SCN3A: variants seen among roughly 807,000 people sequenced by gnomAD.
SCN3A encodes sodium voltage-gated channel alpha subunit 3, also known as sodium channel protein type 3 subunit alpha.
SCN3A carries 60 observed loss-of-function variants against 187.6 expected under a neutral mutation model. The observed-to-expected ratio is 0.32, with a 90% CI of 0.26 to 0.40. The LOEUF (loss-of-function observed/expected upper bound fraction) is 0.40, where lower values mean the gene tolerates loss of function less well. SCN3A is among the 10% of genes least tolerant of loss of function. SCN3A has a pLI of 1.00. For missense variants in SCN3A, 1,601 were observed against 2,428.2 expected, an observed-to-expected ratio of 0.66 and a Z score of 7.16; for synonymous variants, 788 against 829.2, an observed-to-expected ratio of 0.95 and a Z score of 0.85.
chr2:165,181,060 AAC>A (rs1182113876), intron 2 of SCN3A, among the ~76,000 whole-genome samples: 1 of 152,150 alleles, frequency 6.6e-6, no homozygotes, highest in Admixed American at 6.5e-5. Flanking sequence ...TATTATTCAA[AAC>A]AGAAAAAAAT....
At chr2:165,131,707 C>T (rs1002401999) in intron 15 of SCN3A, among the ~76,000 whole-genome samples, 1 of 149,918 alleles carries the variant, frequency 6.7e-6, no homozygotes, top group African/African-American at 2.5e-5. Flanking sequence ...CCCATTAACT[C>T]GTCATTTAGC....
chr2:165,154,703 T>C, intron 10 of SCN3A, 45 bp from the exon 11 acceptor site: 1 of 1,526,766 alleles, frequency 6.5e-7, no homozygotes, highest in South Asian at 1.1e-5. Flanking sequence ...TAGTATAATG[T>C]CCCCAAATAA....
rs1041497863 is a variant in SCN3A, at chr2:165,184,495, A to G, written c.-51+2056T>C. Reference sequence around the variant, plus strand: ...CCTGTCTAGTTCAGAAAAAAAAAAAAAAAAGAAAAAAAAAAAAAAGCCTAG... The same window carrying G: ...CCTGTCTAGTTCAGAAAAAAAAAAAGAAAAGAAAAAAAAAAAAAAGCCTAG... On this transcript the variant is annotated intron_variant, in intron 2 of 27. Transcript: ENST00000283254. 7.9e-5 allele frequency among the ~76,000 whole-genome samples: 11 copies of G among 139,316 alleles called. No homozygotes were observed. The East Asian group carries it at 1.0e-3, about 13-fold the overall frequency. 91.4% of individuals were successfully genotyped at this position (139,316 alleles called of 152,430 possible). A position where few individuals can be genotyped will look rare whatever the true frequency, so the allele number is the denominator to read the frequency against.
chr2:165,111,203 C>T (rs1166286033), intron 21 of SCN3A, among the ~76,000 whole-genome samples: 3 of 151,886 alleles, frequency 2.0e-5, no homozygotes, highest in Non-Finnish European at 4.4e-5. Flanking sequence ...AGGCATGGTG[C>T]GGGCACCTGT....
intron 3 of SCN3A, among the ~76,000 whole-genome samples, chr2:165,175,013 T>C (rs192500301): frequency 9.2e-5 from 14 of 152,318 alleles, no homozygotes; most frequent in Admixed American, 9.2e-4. Context: ...AATCTGCAAA[T>C]TAAAACATCT....
chr2:165,156,512 C>CAAAAAAAAAAAAAAAAAA (rs558407270), intron 9 of SCN3A, among the ~76,000 whole-genome samples: 3 of 63,704 alleles, frequency 4.7e-5, no homozygotes, highest in Admixed American at 2.6e-4. Flanking sequence ...GACTCTGACT[C>CAAAAAAAAAAAAAAAAAA]AAAAAAAAAA....
intron 12 of SCN3A, among the ~76,000 whole-genome samples, chr2:165,142,775 G>C (rs1264348495): frequency 6.8e-6 from 1 of 146,188 alleles, no homozygotes; most frequent in Non-Finnish European, 1.5e-5. Flanking sequence ...TTTTGAGGCA[G>C]AGTTTCGCTC....
chr2:165,133,170 T>C (rs1255063751), intron 15 of SCN3A, among the ~76,000 whole-genome samples: 1 of 152,140 alleles, frequency 6.6e-6, no homozygotes. Flanking sequence ...AGGAACACTT[T>C]TACACTGTTT....
chr2:165,146,770 G>C lies in SCN3A; in HGVS notation c.1640C>G (p.Thr547Ser), dbSNP rs1347435394. 6.2e-7 allele frequency: 1 copy of C among 1,613,964 alleles called. No homozygotes were observed. The highest frequency in any genetic ancestry group is 1.7e-5 in the Admixed American group (1 of 60,000). ...FLFSMDGNRL[T>S]SDKKFCSPHQ... Reference sequence around the variant, plus strand: ...AGGGGAGCAGAATTTTTTGTCACTGGTCAGTCTGTTTCCATCCATGGAGAA... The same window carrying C: ...AGGGGAGCAGAATTTTTTGTCACTGCTCAGTCTGTTTCCATCCATGGAGAA... The change falls in exon 12 of 28, where the codon ACC (threonine) becomes AGC (serine). Residue 547 changes from threonine to serine, a missense_variant. Around this residue, in one of 11 missense-constraint regions of SCN3A, gnomAD observed 376 missense variants for 476.0 expected, o/e 0.79. Coordinates refer to ENST00000283254, the MANE Select transcript of SCN3A (RefSeq NM_006922.4).
intron 9 of SCN3A, among the ~76,000 whole-genome samples, chr2:165,156,160 T>C (rs899602795): frequency 6.6e-6 from 1 of 152,072 alleles, no homozygotes; most frequent in Non-Finnish European, 1.5e-5. Flanking sequence ...CCACACACTT[T>C]TGGCTCTGAC....
intron 15 of SCN3A, among the ~76,000 whole-genome samples, chr2:165,134,623 G>C (rs1417228081): frequency 2.6e-5 from 4 of 151,950 alleles, no homozygotes; most frequent in Non-Finnish European, 5.9e-5. Flanking sequence ...CAAGTATATG[G>C]TGAAATGCCC....
chr2:165,141,939 A>G (rs1344756001), intron 12 of SCN3A, among the ~76,000 whole-genome samples: 1 of 152,260 alleles, frequency 6.6e-6, no homozygotes, highest in Non-Finnish European at 1.5e-5. Context: ...CTAGTACCAG[A>G]AAATGAGGAT....
chr2:165,121,006 A>G (rs1686647475), intron 18 of SCN3A, among the ~76,000 whole-genome samples: 1 of 152,174 alleles, frequency 6.6e-6, no homozygotes. Context: ...AAAAGGAAAA[A>G]GAAAAAGGCC....
intron 5 of SCN3A, among the ~76,000 whole-genome samples, chr2:165,166,689 G>C (rs1020347329): frequency 2.6e-5 from 4 of 152,152 alleles, no homozygotes; most frequent in South Asian, 4.2e-4. Context: ...CTGAACCCAG[G>C]GTTTGGGGTA....
At chr2:165,131,532 ATG>A (rs1360141228) in intron 15 of SCN3A, 115 bp from the exon 16 acceptor site, 2 of 554,286 alleles carry the variant, frequency 3.6e-6, no homozygotes, top group Non-Finnish European at 6.0e-6. Context: ...AAGTGAGAGA[ATG>A]TGACAAATCA....
intron 11 of SCN3A, among the ~76,000 whole-genome samples, chr2:165,149,721 A>G (rs1288170286): frequency 6.6e-6 from 1 of 152,176 alleles, no homozygotes; most frequent in Admixed American, 6.5e-5. Flanking sequence ...GACACTACCA[A>G]TGTCCTGCGT....
chr2:165,192,024 GA>G (rs1290498720), intron 1 of SCN3A, among the ~76,000 whole-genome samples: 3 of 151,342 alleles, frequency 2.0e-5, no homozygotes, highest in African/African-American at 7.3e-5. Flanking sequence ...GCAATGTCTA[GA>G]AAAAATGAAA....
chr2:165,138,736 T>C (rs539371464), intron 14 of SCN3A, among the ~76,000 whole-genome samples: 6 of 152,156 alleles, frequency 3.9e-5, no homozygotes, highest in Admixed American at 1.3e-4. Flanking sequence ...AAAATAATTA[T>C]TATGTGACTG....
Position 165,168,784 on chromosome 2 carries a change from CAGTT to C in SCN3A, c.421_424del (p.Asn141ValfsTer4). 6.2e-7 allele frequency: 1 copy of C among 1,612,512 alleles called. No homozygotes were observed. The highest frequency in any genetic ancestry group is 8.5e-7 in the Non-Finnish European group (1 of 1,178,872). ...AGGGTTGCTCAAGGTCATAAATACA[CAGTT>C]GGTCAAAATAGTGCACATGATAAGC... On this transcript the variant is annotated frameshift_variant, in exon 5 of 28. Coordinates refer to ENST00000283254, the MANE Select transcript of SCN3A (RefSeq NM_006922.4). LOFTEE classifies it high-confidence loss of function.
Sources: gnomAD v4.1 joint callset for allele counts (sites outside exome capture counted in the v4.1 genomes callset) on GRCh38, gnomAD v4.1.1 for gene constraint, gnomAD v4.1.1 regional missense constraint, MANE v1.5 for transcripts, NCBI Gene and HGNC (gene_info 2026-07-23, HGNC 2026-07-21) for gene names.